The following TUBGCP5 variants were observed in gnomAD, a reference collection of about 807,000 sequenced individuals.
TUBGCP5 encodes gamma-tubulin complex component 5.
Under a neutral mutation model 134.7 loss-of-function variants are expected in TUBGCP5, and 98 were observed. The observed-to-expected ratio is 0.73, with a 90% CI of 0.62 to 0.86. The LOEUF (loss-of-function observed/expected upper bound fraction) is 0.86. Ranked by LOEUF, TUBGCP5 falls within the 40% of genes least tolerant of loss-of-function variation. The pLI is 0.00. For synonymous variants in TUBGCP5, 456 were observed against 431.4 expected (o/e 1.06, Z -0.71); for missense variants, 1,150 against 1,244.8 (o/e 0.92, Z 1.15).
chr15:23,034,720 G>A (rs367998298), intron 3 of TUBGCP5, among the ~76,000 whole-genome samples: 7 of 151,966 alleles, frequency 4.6e-5, no homozygotes, highest in East Asian at 1.9e-4. Flanking sequence ...TTAGCCGGGC[G>A]GGGTGGTGTA....
chr15:22,989,008 G>A (rs910442992), intron 23 of TUBGCP5, among the ~76,000 whole-genome samples: 6 of 151,988 alleles, frequency 3.9e-5, no homozygotes, highest in Non-Finnish European at 5.9e-5. Context: ...AAAGCCCTCA[G>A]CTGGCTCTGC....
chr15:23,032,796 A>T lies in TUBGCP5; in HGVS notation c.338T>A (p.Leu113His), dbSNP rs772727272. The change falls in exon 4 of 23, where the codon CTT (leucine) becomes CAT (histidine). Residue 113 changes from leucine (L) to histidine (H), a missense_variant. This residue lies in a region of TUBGCP5 where 453 missense variants were observed against 394.7 expected (regional missense o/e 1.15). Transcript: ENST00000615383. ...KTDAHYSILS[L>H]LLCLSDSPSN... ...AGGAGAGTCTGACAGACACAGAAGA[A>T]GTGACAGTATGGAATAATGTGCATC... 6.3e-7 allele frequency: 1 copy of T among 1,593,624 alleles called. No homozygotes were observed. The highest frequency in any genetic ancestry group is 8.5e-7 in the Non-Finnish European group (1 of 1,173,044).
chr15:22,987,895 CAAAAAAAAAAAAAAAA>C (rs869168765), intron 23 of TUBGCP5, among the ~76,000 whole-genome samples: 1 of 20,468 alleles, frequency 4.9e-5, no homozygotes, highest in African/African-American at 1.7e-4. Context: ...GACTCCATCT[CAAAAAAAAAAAAAAAA>C]AAAAAAAAAA....
intron 23 of TUBGCP5, among the ~76,000 whole-genome samples, chr15:22,985,088 A>C (rs1383843057): frequency 6.6e-6 from 1 of 152,206 alleles, no homozygotes; most frequent in Non-Finnish European, 1.5e-5. Context: ...AAGAAACCAC[A>C]TTGGAAGTCT....
intron 7 of TUBGCP5, among the ~76,000 whole-genome samples, 164 bp downstream of exon 7, chr15:23,027,028 T>A (rs933457928): frequency 5.3e-5 from 8 of 151,958 alleles, no homozygotes; most frequent in Admixed American, 5.2e-4. Flanking sequence ...TGCACTGCAG[T>A]CTGGGCAACG....
rs905860571 is a variant in TUBGCP5, at chr15:23,032,765, G to C, written c.369C>G (p.Asn123Lys). The change falls in exon 4 of 23, where the codon AAC (asparagine) becomes AAG (lysine). Residue 123 changes from asparagine to lysine, a missense_variant. Physicochemically the swap from Asn to Lys is moderately conservative, Grantham distance 94 (BLOSUM62 0). This residue lies in a region of TUBGCP5 where 453 missense variants were observed against 394.7 expected (regional missense o/e 1.15). Coordinates refer to ENST00000615383, the MANE Select transcript of TUBGCP5 (RefSeq NM_052903.6). Reference sequence around the variant, plus strand: ...TTCTTGGTGTCTCCACATAACTGCTGTTTGAAGGAGAGTCTGACAGACACA... The same window carrying C: ...TTCTTGGTGTCTCCACATAACTGCTCTTTGAAGGAGAGTCTGACAGACACA... ...LLLCLSDSPS[N>K]SSYVETPRNK... The C allele has an allele frequency of 6.3e-7, 1 of 1,596,710 alleles. No individual in the cohort carries two copies. The highest frequency in any genetic ancestry group is 2.3e-5 in the East Asian group (1 of 43,688).
chr15:22,993,579 C>T (rs1052349731), intron 23 of TUBGCP5, among the ~76,000 whole-genome samples: 20 of 124,456 alleles, frequency 1.6e-4, no homozygotes, highest in African/African-American at 6.3e-4. Context: ...GAGTCTCGCT[C>T]TGTCGCCCAG....
rs1388278214 is a variant in TUBGCP5 at position 23,010,152 on chromosome 15, A to G, written c.1956-19T>C. On this transcript the variant is annotated intron_variant, in intron 14 of 22. Coordinates refer to ENST00000615383, the MANE Select transcript of TUBGCP5 (RefSeq NM_052903.6). ...ATACATCCTTCAAGATAAAAATGTG[A>G]GTCTTCTTTTTATGAGCTGCTGTCA... The G allele has an allele frequency of 2.5e-6, 4 of 1,602,568 alleles. No homozygotes were observed. The highest frequency in any genetic ancestry group is 3.4e-6 in the Non-Finnish European group (4 of 1,172,364).
At chr15:23,031,304 C>A (rs1249148403) in intron 5 of TUBGCP5, among the ~76,000 whole-genome samples, 5 of 151,872 alleles carry the variant, frequency 3.3e-5, no homozygotes, top group African/African-American at 1.2e-4. Context: ...TACTTGTACT[C>A]ACCCCTTTTA....
At chr15:23,016,656 G>A (rs2065339407) in intron 13 of TUBGCP5, among the ~76,000 whole-genome samples, 1 of 151,992 alleles carries the variant, frequency 6.6e-6, no homozygotes. Context: ...CAGTCAGGAT[G>A]GTTATTTATC....
At chr15:22,992,162 A>G (rs2063864769) in intron 23 of TUBGCP5, among the ~76,000 whole-genome samples, 1 of 152,172 alleles carries the variant, frequency 6.6e-6, no homozygotes, top group African/African-American at 2.4e-5. Flanking sequence ...TAATAAATCC[A>G]GACAGTCCTG....
At chr15:22,997,868 G>A (rs1007080147), downstream of TUBGCP5, among the ~76,000 whole-genome samples, 2 of 150,126 alleles carry the variant, frequency 1.3e-5, no homozygotes, top group African/African-American at 4.9e-5. Flanking sequence ...CACCCACCTT[G>A]GCTTCCCAAA....
At chr15:22,986,372 C>G (rs1055460752) in intron 23 of TUBGCP5, among the ~76,000 whole-genome samples, 1 of 151,844 alleles carries the variant, frequency 6.6e-6, no homozygotes, top group Non-Finnish European at 1.5e-5. Context: ...CACAAAAGAC[C>G]ATGTACATAT....
chr15:22,995,574 CAAA>C (rs397794497), downstream of TUBGCP5, among the ~76,000 whole-genome samples: 1 of 121,722 alleles, frequency 8.2e-6, no homozygotes, highest in African/African-American at 2.9e-5. Flanking sequence ...GGCTCCGTCT[CAAA>C]AAAAAAAAAA....
intron 23 of TUBGCP5, among the ~76,000 whole-genome samples, chr15:22,988,197 A>G (rs1348816618): frequency 2.6e-5 from 4 of 151,960 alleles, no homozygotes; most frequent in African/African-American, 7.3e-5. Context: ...GGATCATCTT[A>G]GATTATCTGA....
chr15:23,016,997 T>TATATA (rs1254127035), intron 13 of TUBGCP5, among the ~76,000 whole-genome samples: 2 of 145,886 alleles, frequency 1.4e-5, no homozygotes, highest in East Asian at 2.1e-4. Context: ...TGTATATATC[T>TATATA]TGAAGATAAA....
intron 19 of TUBGCP5, 98 bp downstream of exon 19, chr15:23,005,334 G>A (rs2064638041): frequency 7.2e-7 from 1 of 1,389,412 alleles, no homozygotes; most frequent in South Asian, 1.5e-5. Context: ...TTCACAGTCT[G>A]TAGGTATTTT....
chr15:22,999,921 A>AT, intron 22 of TUBGCP5, 55 bp from the exon 23 acceptor site: 10 of 1,576,186 alleles, frequency 6.3e-6, no homozygotes, highest in South Asian at 1.1e-5. Flanking sequence ...TTGAAAAAAA[A>AT]TTTTTTTTGA....
chr15:23,024,867 G>A (rs765626978), intron 8 of TUBGCP5, 37 bp from the exon 9 acceptor site: 1 of 1,265,834 alleles, frequency 7.9e-7, no homozygotes, highest in South Asian at 1.3e-5. Context: ...TGTACTTTAA[G>A]TCTAGAAAAA....
Sources: gnomAD v4.1 joint callset for allele counts (sites outside exome capture counted in the v4.1 genomes callset) on GRCh38, gnomAD v4.1.1 for gene constraint, gnomAD v4.1.1 regional missense constraint, MANE v1.5 for transcripts, NCBI Gene and HGNC (gene_info 2026-07-23, HGNC 2026-07-21) for gene names.